Variants in ZNF721 observed in about 807,000 individuals in gnomAD.
ZNF721 encodes the protein zinc finger protein 721.
In ZNF721, 2 loss-of-function variants were observed where a neutral mutation model predicts 2.4. The observed-to-expected ratio is 0.82, with a 90% CI of 0.34 to 2.58. ZNF721 has a LOEUF of 2.58. ZNF721 is among the 30% of genes most tolerant of loss of function. The pLI is 0.11. For missense variants in ZNF721, 1,187 were observed against 1,085.5 expected, an observed-to-expected ratio of 1.09 and a Z score of -1.31; for synonymous variants, 398 against 381.8, an observed-to-expected ratio of 1.04 and a Z score of -0.50.
intron 2 of ZNF721, among the ~76,000 whole-genome samples, chr4:461,776 G>A (rs1715079443): frequency 6.6e-6 from 1 of 152,192 alleles, no homozygotes. Context: ...GGGAGGCTGA[G>A]GCAGGAGAAT....
intron 1 of ZNF721, among the ~76,000 whole-genome samples, chr4:487,169 T>G (rs6810456): frequency 0.011 from 1,633 of 152,322 alleles, 25 homozygotes; most frequent in African/African-American, 0.037. Context: ...TGGAAATGGC[T>G]TTTATAGTCG....
chr4:442,741 T>C lies in ZNF721; in HGVS notation c.1726A>G (p.Arg576Gly). Residue 576 changes from arginine to glycine, a missense_variant, in exon 3 of 3, where the codon AGG becomes GGG. Transcript: ENST00000511833. ...FRQSANLYVH[R>G]RIHTGEKPYK... is the part of the protein sequence containing the mutation. ...GGTTTCTCTCCAGTATGAATTCTCC[T>C]ATGTACATAAAGGTTTGCGGACTGT... 6.2e-7 allele frequency: 1 copy of C among 1,614,238 alleles called. No individual in the cohort carries two copies. The highest frequency in any genetic ancestry group is 8.5e-7 in the Non-Finnish European group (1 of 1,180,032).
intron 1 of ZNF721, among the ~76,000 whole-genome samples, chr4:485,725 C>T (rs573811478): frequency 2.0e-5 from 3 of 152,310 alleles, no homozygotes; most frequent in African/African-American, 7.2e-5. Flanking sequence ...CCTGTAATCC[C>T]AGCACTTTGG....
At chr4:471,429 T>A (rs1420711327) in intron 2 of ZNF721, among the ~76,000 whole-genome samples, 1 of 152,184 alleles carries the variant, frequency 6.6e-6, no homozygotes, top group Non-Finnish European at 1.5e-5. Flanking sequence ...GAGGACATGA[T>A]GCTAAATGAA....
In ZNF721 at chr4:444,424, A is replaced by T. The variant is rs782132849; in HGVS notation, c.43T>A (p.Ser15Thr). ...GGCAAAAAGTCTTGGGTGAAATGAG[A>T]ACACATAGCTGAAAGAAACAAAAAT... ...YRNLVSLAMC[S>T]HFTQDFLPVQ... Residue 15 changes from serine to threonine, a missense_variant, in exon 3 of 3, where the codon TCT (serine) becomes ACT (threonine). Coordinates refer to ENST00000511833, the MANE Select transcript of ZNF721 (RefSeq NM_133474.4). 2 of 1,573,464 alleles carry T rather than the reference A, an allele frequency of 1.3e-6. No homozygotes were observed. The highest frequency in any genetic ancestry group is 2.0e-5 in the Admixed American group (1 of 50,332).
At chr4:449,995 CAT>C (rs1714599835) in intron 2 of ZNF721, among the ~76,000 whole-genome samples, 1 of 152,136 alleles carries the variant, frequency 6.6e-6, no homozygotes, top group South Asian at 2.1e-4. Flanking sequence ...CACAGGATAA[CAT>C]ATGTTTAAAC....
chr4:465,070 G>C (rs1409138442), intron 2 of ZNF721, among the ~76,000 whole-genome samples: 1 of 143,414 alleles, frequency 7.0e-6, no homozygotes, highest in East Asian at 2.1e-4. Context: ...GGGTGATAGA[G>C]CAAGATTCCA....
At chr4:462,311 T>C (rs1274253155) in intron 2 of ZNF721, among the ~76,000 whole-genome samples, 5 of 152,184 alleles carry the variant, frequency 3.3e-5, no homozygotes, top group African/African-American at 4.8e-5. Flanking sequence ...TCAATTATCA[T>C]GAAATGGCCA....
intron 1 of ZNF721, among the ~76,000 whole-genome samples, chr4:477,536 C>T (rs541821594): frequency 2.0e-5 from 3 of 152,168 alleles, no homozygotes; most frequent in South Asian, 2.1e-4. Flanking sequence ...CCGTGCCCGG[C>T]GCATTAATGA....
chr4:442,075 T>C lies in ZNF721; in HGVS notation c.2392A>G (p.Lys798Glu). 6.2e-7 allele frequency: 1 copy of C among 1,613,930 alleles called. No homozygotes were observed. The highest frequency in any genetic ancestry group is 8.5e-7 in the Non-Finnish European group (1 of 1,179,814). ...KVITSSSSFA[K>E]HKRIHTGEKP... ...TCACCTGTATGAATCCTCTTATGTT[T>C]AGCAAAGCTTGAGGATGACGTAATG... The change falls in exon 3 of 3, where the codon AAA becomes GAA. Residue 798 changes from lysine (K) to glutamate (E), a missense_variant. Transcript: ENST00000511833.
rs570626358 is a variant in ZNF721, at chr4:484,406, A to T, written c.-93-11705T>A. The stretch of plus-strand genomic sequence containing the variant: ...ACAGGATAACAGCAGTTGTTCAGGG[A>T]ATAAGAGAGATAACCTTAAACTCTG... On this transcript the variant is annotated intron_variant, in intron 1 of 2. Coordinates refer to ENST00000511833, the MANE Select transcript of ZNF721 (RefSeq NM_133474.4). Among the ~76,000 whole-genome samples the T allele has an allele frequency of 3.3e-5, 5 of 152,374 alleles. No individual in the cohort carries two copies. In the South Asian group the frequency reaches 1.0e-3, roughly 32 times the overall value.
Position 442,673 on chromosome 4 carries a change from T to C in ZNF721, c.1794A>G (p.Thr598=). The C allele has an allele frequency of 6.2e-7, 1 of 1,614,082 alleles. No individual in the cohort carries two copies. Among genetic ancestry groups the C allele is most frequent in the Non-Finnish European group, 8.5e-7 (1 of 1,179,970 alleles). ...GAATTTTCTTGTGTTGATTCAGGTC[T>C]GTGTACCGTCCAAAGGCTTTGCCAC... ...EECGKAFGRY[T]DLNQHKKIHT... is the part of the protein sequence containing the mutation. Residue 598 remains threonine, a synonymous_variant, in exon 3 of 3, where the codon ACA becomes ACG. Transcript: ENST00000511833.
chr4:492,162 CAAA>C (rs141448200), intron 1 of ZNF721, among the ~76,000 whole-genome samples: 6,138 of 144,166 alleles, frequency 0.043, 174 homozygotes, highest in African/African-American at 0.094. Context: ...GATTCCGTCT[CAAA>C]AAAAAAAAAA....
intron 1 of ZNF721, among the ~76,000 whole-genome samples, chr4:494,034 C>T (rs1576975333): frequency 6.6e-6 from 1 of 151,990 alleles, no homozygotes; most frequent in African/African-American, 2.4e-5. Context: ...TTTGACTAGT[C>T]TTTTCTTTTT....
At chr4:497,654 A>C (rs28522314) in intron 1 of ZNF721, among the ~76,000 whole-genome samples, 56,016 of 149,486 alleles carry the variant, frequency 0.37, 10,863 homozygotes, top group African/African-American at 0.48. Flanking sequence ...TTTGGGAGAC[A>C]GAGGCGGGCG....
chr4:474,058 C>T (rs1471659787), intron 1 of ZNF721: 2 of 1,459,500 alleles, frequency 1.4e-6, no homozygotes, highest in South Asian at 1.1e-5. Context: ...GCGATGGAGG[C>T]TGAGGCTCTG....
intron 2 of ZNF721, among the ~76,000 whole-genome samples, chr4:456,193 C>T (rs1714843528): frequency 6.6e-6 from 1 of 152,058 alleles, no homozygotes; most frequent in Non-Finnish European, 1.5e-5. Flanking sequence ...GCCTTAGTCT[C>T]CTGAGTAGCT....
intron 2 of ZNF721, among the ~76,000 whole-genome samples, chr4:452,613 G>A (rs908506145): frequency 6.6e-6 from 1 of 152,150 alleles, no homozygotes; most frequent in East Asian, 1.9e-4. Context: ...CAGTAGAACT[G>A]CAAGTAGCTG....
At chr4:480,899 C>G (rs1413894922) in intron 1 of ZNF721, among the ~76,000 whole-genome samples, 1 of 151,032 alleles carries the variant, frequency 6.6e-6, no homozygotes, top group Non-Finnish European at 1.5e-5. Context: ...TACATAGATA[C>G]CCAGAAATGG....
Sources: gnomAD v4.1 joint callset for allele counts (sites outside exome capture counted in the v4.1 genomes callset) on GRCh38, gnomAD v4.1.1 for gene constraint, MANE v1.5 for transcripts, NCBI Gene and HGNC (gene_info 2026-07-23, HGNC 2026-07-21) for gene names.